Variants in METTL25 observed in about 807,000 individuals in gnomAD.
METTL25 encodes the protein methyltransferase like 25.
Under a neutral mutation model 71.6 loss-of-function variants are expected in METTL25, and 64 were observed. That is an observed-to-expected ratio of 0.89 (90% CI 0.73 to 1.10). METTL25 has a LOEUF of 1.10. Ranked by LOEUF, METTL25 falls within the 50% of genes least tolerant of loss-of-function variation. METTL25 has a pLI of 0.00. For missense variants in METTL25, 807 were observed against 707.0 expected (o/e 1.14, Z -1.60); for synonymous variants, 287 against 250.3 (o/e 1.15, Z -1.38).
intron 5 of METTL25, among the ~76,000 whole-genome samples, chr12:82,413,553 G>A (rs1016573290): frequency 2.0e-5 from 3 of 151,980 alleles, no homozygotes; most frequent in Admixed American, 6.6e-5. Context: ...ACCGACTAGC[G>A]TTCTCCTCTG....
intron 5 of METTL25, among the ~76,000 whole-genome samples, chr12:82,412,874 G>A (rs971610185): frequency 2.6e-5 from 4 of 151,702 alleles, no homozygotes; most frequent in Non-Finnish European, 5.9e-5. Flanking sequence ...AGTTGAAGAG[G>A]AAATATTTTA....
chr12:82,384,374 GCTCTCTCT>G (rs57771205), intron 1 of METTL25, among the ~76,000 whole-genome samples: 3 of 134,218 alleles, frequency 2.2e-5, no homozygotes, highest in African/African-American at 5.5e-5. Context: ...ATCATAAACA[GCTCTCTCT>G]CTCTCTCTCT....
intron 8 of METTL25, among the ~76,000 whole-genome samples, chr12:82,441,936 C>T (rs1054910777): frequency 1.3e-5 from 2 of 151,766 alleles, no homozygotes; most frequent in Non-Finnish European, 2.9e-5. Context: ...CCTTATAACC[C>T]GTTTGTGGAG....
At chr12:82,418,294 T>G (rs889846530) in intron 5 of METTL25, among the ~76,000 whole-genome samples, 9 of 152,082 alleles carry the variant, frequency 5.9e-5, no homozygotes, top group Non-Finnish European at 1.3e-4. Flanking sequence ...CAGGTTGACT[T>G]TGTGTATGTT....
intron 7 of METTL25, among the ~76,000 whole-genome samples, chr12:82,435,396 A>G (rs1889842267): frequency 6.6e-6 from 1 of 151,528 alleles, no homozygotes. Context: ...TTTAATAACA[A>G]GTATCATTTA....
chr12:82,418,296 G>C (rs1033364894), intron 5 of METTL25, among the ~76,000 whole-genome samples: 3 of 152,090 alleles, frequency 2.0e-5, no homozygotes, highest in Non-Finnish European at 4.4e-5. Flanking sequence ...GGTTGACTTT[G>C]TGTATGTTTT....
intron 5 of METTL25, among the ~76,000 whole-genome samples, chr12:82,406,338 C>A (rs1165506070): frequency 6.6e-6 from 1 of 151,916 alleles, no homozygotes; most frequent in East Asian, 1.9e-4. Context: ...CAAAGTAAGT[C>A]CCCGTACCTA....
In METTL25 at chr12:82,461,453, A is replaced by G. The variant is rs913878916; in HGVS notation, c.1572+4633A>G. 1.6e-4 allele frequency among the ~76,000 whole-genome samples: 24 copies of G among 152,298 alleles called. No homozygotes were observed. In the South Asian group the frequency reaches 3.9e-3, roughly 25 times the overall value. On this transcript the variant is annotated intron_variant, in intron 9 of 11. Coordinates refer to ENST00000248306, the MANE Select transcript of METTL25 (RefSeq NM_032230.3). ...GTTAAGTGGATTTCTTTAGCCCAAA[A>G]TCTAGGAAACTGGGGAAGAAGAATT...
intron 2 of METTL25, among the ~76,000 whole-genome samples, chr12:82,388,244 G>C (rs990077106): frequency 1.3e-5 from 2 of 151,536 alleles, no homozygotes; most frequent in African/African-American, 2.4e-5. Context: ...GGTAAAGGTG[G>C]GTCTACTGGA....
intron 5 of METTL25, among the ~76,000 whole-genome samples, chr12:82,420,884 C>G (rs1888418766): frequency 6.6e-6 from 1 of 151,410 alleles, no homozygotes; most frequent in Admixed American, 6.6e-5. Flanking sequence ...GAGGTGGAGT[C>G]TCGTTCTGTC....
chr12:82,421,271 C>T (rs1888462887), intron 5 of METTL25, among the ~76,000 whole-genome samples: 1 of 152,032 alleles, frequency 6.6e-6, no homozygotes, highest in African/African-American at 2.4e-5. Context: ...TTGTACCAGT[C>T]CAGGTAGTTT....
chr12:82,459,479 T>C (rs1446097687), intron 9 of METTL25, among the ~76,000 whole-genome samples: 1 of 151,910 alleles, frequency 6.6e-6, no homozygotes, highest in Admixed American at 6.6e-5. Flanking sequence ...AATTCAGAAA[T>C]TAGATAGTGT....
intron 6 of METTL25, among the ~76,000 whole-genome samples, chr12:82,433,563 G>C (rs1379674258): frequency 1.3e-5 from 2 of 151,494 alleles, no homozygotes; most frequent in Admixed American, 1.3e-4. Context: ...AACTCCACAT[G>C]GTGTGAGGGC....
intron 7 of METTL25, among the ~76,000 whole-genome samples, chr12:82,435,417 A>G (rs2137167907): frequency 6.6e-6 from 1 of 151,622 alleles, no homozygotes; most frequent in African/African-American, 2.4e-5. Flanking sequence ...CTGAGTGATT[A>G]CCCTGGGCCA....
chr12:82,443,942 G>T (rs1890553202), intron 8 of METTL25, among the ~76,000 whole-genome samples: 1 of 152,080 alleles, frequency 6.6e-6, no homozygotes, highest in South Asian at 2.1e-4. Flanking sequence ...TCAACATGAG[G>T]TTTGGAAGGG....
intron 8 of METTL25, among the ~76,000 whole-genome samples, chr12:82,446,711 G>A (rs1392406858): frequency 1.3e-5 from 2 of 151,618 alleles, no homozygotes; most frequent in Non-Finnish European, 2.9e-5. Context: ...CCGCTTCACG[G>A]ATTCAAGCTA....
At chr12:82,403,595 A>G (rs528289658) in intron 5 of METTL25, among the ~76,000 whole-genome samples, 51 of 152,300 alleles carry the variant, frequency 3.3e-4, no homozygotes, top group East Asian at 1.7e-3. Flanking sequence ...CAACATACCA[A>G]AATTTTAGAA....
chr12:82,446,294 T>C (rs974417403), intron 8 of METTL25, among the ~76,000 whole-genome samples: 1 of 152,166 alleles, frequency 6.6e-6, no homozygotes, highest in African/African-American at 2.4e-5. Context: ...AAAGAAACTT[T>C]GTGTTAAACT....
intron 1 of METTL25, among the ~76,000 whole-genome samples, chr12:82,371,507 C>T (rs1466398434): frequency 6.6e-6 from 1 of 152,206 alleles, no homozygotes; most frequent in Non-Finnish European, 1.5e-5. Flanking sequence ...TTTCTGTCCT[C>T]TCTGAACCAC....
Sources: allele counts gnomAD v4.1 joint callset (sites outside exome capture counted in the v4.1 genomes callset), GRCh38; gene constraint gnomAD v4.1.1; transcripts MANE v1.5; gene names NCBI Gene and HGNC (gene_info 2026-07-23, HGNC 2026-07-21).